The following FOCAD variants were observed in gnomAD, a reference collection of about 807,000 sequenced individuals.
The protein encoded by FOCAD is KIAA1797.
FOCAD carries 198 observed loss-of-function variants against 225.6 expected under a neutral mutation model. The observed-to-expected ratio is 0.88, with a 90% confidence interval of 0.78 to 0.99. The LOEUF is 0.99. Ranked by LOEUF, FOCAD falls within the 50% of genes least tolerant of loss-of-function variation. FOCAD has a pLI of 0.00. For missense variants in FOCAD, 2,713 were observed against 2,123.6 expected (o/e 1.28, Z -5.46); for synonymous variants, 897 against 755.0 (o/e 1.19, Z -3.08).
At position 20,920,300 on chromosome 9, in the gene FOCAD, A is replaced by C. The variant is rs1177832330; in HGVS notation, c.2853-3360A>C. Among the ~76,000 whole-genome samples the C allele has an allele frequency of 1.7e-4, 23 of 132,270 alleles. No individual in the cohort carries two copies. In the South Asian group the frequency reaches 2.2e-3, roughly 13 times the overall value. 86.8% of individuals were successfully genotyped at this position (132,270 alleles called of 152,430 possible). The stretch of plus-strand genomic sequence containing the variant: ...ACCAGTTAGAATGGCAATCATTAAA[A>C]AGTCAGGAAACAACAGGTGCTGGAG... On this transcript the variant is annotated intron_variant, in intron 24 of 43. Transcript: ENST00000338382.
intron 6 of FOCAD, 31 bp from the exon 7 acceptor site, chr9:20,764,836 CAA>C: frequency 6.4e-7 from 1 of 1,559,904 alleles, no homozygotes; most frequent in South Asian, 1.1e-5. Context: ...GTGTTTAACT[CAA>C]TAACTGGCTA....
chr9:20,896,646 G>T (rs1013458412), intron 21 of FOCAD, among the ~76,000 whole-genome samples: 1 of 151,752 alleles, frequency 6.6e-6, no homozygotes, highest in African/African-American at 2.4e-5. Context: ...TCAAATTTGT[G>T]GGCATAGAGT....
intron 1 of FOCAD, among the ~76,000 whole-genome samples, chr9:20,691,047 A>G (rs1822945978): frequency 6.6e-6 from 1 of 151,858 alleles, no homozygotes; most frequent in Non-Finnish European, 1.5e-5. Flanking sequence ...GGTTCAAGTG[A>G]TACTTCTGCC....
chr9:20,769,881 TC>T (rs1779041502), intron 7 of FOCAD, 150 bp from the exon 8 acceptor site: 8 of 654,224 alleles, frequency 1.2e-5, no homozygotes, highest in Admixed American at 8.9e-5. Context: ...GTATAGTTAA[TC>T]CTTCATGGAG....
At chr9:20,728,165 C>T (rs1186581391) in intron 4 of FOCAD, among the ~76,000 whole-genome samples, 7 of 152,098 alleles carry the variant, frequency 4.6e-5, no homozygotes, top group Admixed American at 4.6e-4. Flanking sequence ...TTTGAATCTT[C>T]AACGTCATAA....
At chr9:20,966,909 C>G (rs184894396) in intron 35 of FOCAD, among the ~76,000 whole-genome samples, 2 of 152,156 alleles carry the variant, frequency 1.3e-5, no homozygotes, top group Admixed American at 6.5e-5. Flanking sequence ...TGTACTAATA[C>G]CACGCTGTTT....
At chr9:20,730,656 G>A (rs1017887898) in intron 4 of FOCAD, among the ~76,000 whole-genome samples, 2 of 152,132 alleles carry the variant, frequency 1.3e-5, no homozygotes, top group African/African-American at 4.8e-5. Context: ...AGATGGAGGG[G>A]AGTGAAAGAA....
chr9:20,819,492 G>A (rs1037045297), intron 11 of FOCAD, among the ~76,000 whole-genome samples: 1 of 152,118 alleles, frequency 6.6e-6, no homozygotes, highest in African/African-American at 2.4e-5. Flanking sequence ...GGGATTACAG[G>A]TGTGAGCCAC....
Position 20,781,852 on chromosome 9 carries a change from G to C in FOCAD, c.1120G>C (p.Gly374Arg), listed in dbSNP as rs904829218. The C allele has an allele frequency of 5.6e-6, 9 of 1,614,074 alleles. No individual in the cohort carries two copies. The East Asian group carries it at 2.0e-4, about 36-fold the overall frequency. ...AGACTGTATATCTGTGGATGAAGAA[G>C]GTCCCTCTAGGCAGCAGTTGGCTCT... is the stretch of plus-strand genomic sequence containing the variant. ...LEDCISVDEE[G>R]PSRQQLALNL... Residue 374 changes from glycine (G) to arginine (R), a missense_variant, in exon 10 of 44, where the codon GGT (glycine) becomes CGT (arginine). Coordinates refer to ENST00000338382, the MANE Select transcript of FOCAD (RefSeq NM_001375567.1).
intron 15 of FOCAD, among the ~76,000 whole-genome samples, chr9:20,850,413 G>C (rs1296792737): frequency 6.6e-6 from 1 of 151,632 alleles, no homozygotes; most frequent in Non-Finnish European, 1.5e-5. Context: ...AGTGTTAGAG[G>C]CATTTTTTAT....
chr9:20,866,263 C>T (rs900015902), intron 17 of FOCAD, among the ~76,000 whole-genome samples: 13 of 106,100 alleles, frequency 1.2e-4, no homozygotes, highest in Admixed American at 8.5e-4. Flanking sequence ...TTTCCCCTTT[C>T]CTGCTTTGCC....
chr9:20,831,627 GACAGA>G (rs148549293), intron 15 of FOCAD, among the ~76,000 whole-genome samples: 39 of 152,184 alleles, frequency 2.6e-4, no homozygotes, highest in African/African-American at 8.9e-4. Flanking sequence ...GTTGCAGAGA[GACAGA>G]TTAGGAACTG....
intron 2 of FOCAD, among the ~76,000 whole-genome samples, chr9:20,671,607 A>G (rs1222505223): frequency 2.0e-5 from 1 of 50,796 alleles, no homozygotes; most frequent in Non-Finnish European, 4.2e-5. Context: ...GTATGGTAAC[A>G]TGTAATAAAA....
chr9:20,926,471 C>T, intron 26 of FOCAD, 54 bp downstream of exon 26: 2 of 1,138,978 alleles, frequency 1.8e-6, no homozygotes, highest in Non-Finnish European at 2.7e-6. Context: ...ACTCTTATGA[C>T]ATCAGTTGGT....
intron 35 of FOCAD, chr9:20,957,664 T>A (rs1312671797): frequency 4.0e-5 from 2 of 49,742 alleles, no homozygotes; most frequent in African/African-American, 1.4e-4. Flanking sequence ...AGCATAGATA[T>A]CTCTCTCTCT....
At chr9:20,979,319 C>T (rs1018727199) in intron 37 of FOCAD, among the ~76,000 whole-genome samples, 1 of 152,172 alleles carries the variant, frequency 6.6e-6, no homozygotes, top group Middle Eastern at 3.4e-3. Flanking sequence ...GCCTTTGTCC[C>T]TATTCAGCCT....
chr9:20,923,589 C>T (rs967038693), intron 24 of FOCAD, 71 bp from the exon 25 acceptor site: 18 of 1,166,082 alleles, frequency 1.5e-5, no homozygotes, highest in Non-Finnish European at 2.1e-5. Flanking sequence ...ACCTGCCCTC[C>T]TATATTAGCT....
rs113113181 is a variant in FOCAD, at chr9:20,865,178, G to A, written c.2056-748G>A. Among the ~76,000 whole-genome samples, 1,051 of 152,146 alleles carry A rather than the reference G, an allele frequency of 6.9e-3. 15 individuals are homozygous for A. The highest frequency in any genetic ancestry group is 0.024 in the African/African-American group (997 of 41,516). ...ATTTGATGAGCACAGTTAATTAAAGGGCAATGAGAGTGTGGTAGAGAAAAT... is the reference window on the plus strand; with the variant it reads ...ATTTGATGAGCACAGTTAATTAAAGAGCAATGAGAGTGTGGTAGAGAAAAT... On this transcript the variant is annotated intron_variant, in intron 16 of 43. Transcript: ENST00000338382.
At chr9:20,657,121 CT>C (rs1244784876), upstream of FOCAD, among the ~76,000 whole-genome samples, 2 of 152,180 alleles carry the variant, frequency 1.3e-5, no homozygotes, top group Non-Finnish European at 2.9e-5. Flanking sequence ...TCTCTTCTGG[CT>C]TGTAGGGTTT....
Sources: allele counts gnomAD v4.1 joint callset (sites outside exome capture counted in the v4.1 genomes callset), GRCh38; gene constraint gnomAD v4.1.1; transcripts MANE v1.5; gene names NCBI Gene and HGNC (gene_info 2026-07-23, HGNC 2026-07-21).